The following MARCHF3 variants were observed in gnomAD, a reference collection of about 807,000 sequenced individuals.
The protein encoded by MARCHF3 is E3 ubiquitin-protein ligase MARCHF3.
MARCHF3 carries 13 observed loss-of-function variants against 24.2 expected under a neutral mutation model. The observed-to-expected ratio is 0.54, with a 90% confidence interval of 0.35 to 0.85. MARCHF3 has a LOEUF of 0.85. Among genes scored for constraint, MARCHF3 ranks in the 40% least tolerant of loss-of-function variants. The pLI is 0.01. For missense variants in MARCHF3, 276 were observed against 325.0 expected, an observed-to-expected ratio of 0.85 and a Z score of 1.16; for synonymous variants, 144 against 137.3, an observed-to-expected ratio of 1.05 and a Z score of -0.34.
intron 3 of MARCHF3, among the ~76,000 whole-genome samples, chr5:126,913,976 CTTTTTT>C (rs1169856446): frequency 5.6e-5 from 6 of 107,904 alleles, no homozygotes; most frequent in African/African-American, 1.9e-4. Context: ...CAATATCCAA[CTTTTTT>C]TTTTTTTTTT....
At chr5:127,023,096 T>C (rs571752263) in intron 1 of MARCHF3, among the ~76,000 whole-genome samples, 32 of 152,322 alleles carry the variant, frequency 2.1e-4, no homozygotes, top group African/African-American at 7.2e-4. Context: ...CATCAGACCA[T>C]GTGTTAAACA....
At chr5:126,976,116 C>A (rs1197621033) in intron 1 of MARCHF3, among the ~76,000 whole-genome samples, 2 of 152,086 alleles carry the variant, frequency 1.3e-5, no homozygotes, top group Non-Finnish European at 2.9e-5. Context: ...ATAGAGGGAT[C>A]TTTCTCCTTC....
intron 3 of MARCHF3, among the ~76,000 whole-genome samples, chr5:126,908,551 C>A (rs1754387941): frequency 6.6e-6 from 1 of 152,142 alleles, no homozygotes; most frequent in African/African-American, 2.4e-5. Flanking sequence ...AACTTCCCTT[C>A]TTGCTTCATT....
chr5:126,936,626 T>A (rs1255159841), intron 1 of MARCHF3, among the ~76,000 whole-genome samples: 2 of 152,200 alleles, frequency 1.3e-5, no homozygotes, highest in Non-Finnish European at 2.9e-5. Flanking sequence ...CTTTTTGTAT[T>A]TTTGAAATTT....
intron 1 of MARCHF3, among the ~76,000 whole-genome samples, chr5:126,944,903 G>T (rs116142266): frequency 0.017 from 2,515 of 152,210 alleles, 66 homozygotes; most frequent in African/African-American, 0.057. Flanking sequence ...ATTACATATA[G>T]CCCTTATCCT....
intron 1 of MARCHF3, among the ~76,000 whole-genome samples, chr5:126,921,792 A>G (rs577749520): frequency 7.2e-5 from 11 of 152,328 alleles, no homozygotes; most frequent in African/African-American, 2.4e-4. Context: ...GACACCTTGC[A>G]TAATTTCTTT....
chr5:126,991,486 A>G (rs956501436), intron 1 of MARCHF3, among the ~76,000 whole-genome samples: 12 of 152,184 alleles, frequency 7.9e-5, no homozygotes, highest in African/African-American at 2.9e-4. Flanking sequence ...AACATGGCAC[A>G]TGTATACCTA....
At chr5:126,889,250 T>C (rs893510449) in intron 3 of MARCHF3, among the ~76,000 whole-genome samples, 3 of 152,148 alleles carry the variant, frequency 2.0e-5, no homozygotes. Flanking sequence ...GATCATGGGA[T>C]ACACTGTACC....
chr5:126,917,648 T>C (rs1473036238), intron 2 of MARCHF3, among the ~76,000 whole-genome samples: 2 of 152,188 alleles, frequency 1.3e-5, no homozygotes, highest in African/African-American at 4.8e-5. Flanking sequence ...TTCTTAATCC[T>C]GTTCCAATAG....
intron 1 of MARCHF3, among the ~76,000 whole-genome samples, chr5:127,025,358 A>G (rs1580503964): frequency 6.6e-6 from 1 of 151,796 alleles, no homozygotes; most frequent in Admixed American, 6.6e-5. Flanking sequence ...GCCTGCTGCT[A>G]TAATAAATTA....
chr5:127,012,878 G>C (rs1208822505), intron 1 of MARCHF3, among the ~76,000 whole-genome samples: 1 of 152,182 alleles, frequency 6.6e-6, no homozygotes, highest in Non-Finnish European at 1.5e-5. Context: ...TTTCTTGTTA[G>C]ACTTAATCCA....
At position 126,903,620 on chromosome 5, in the gene MARCHF3, C is replaced by T. The variant is rs1218534399; in HGVS notation, c.393+11310G>A. ...AATAACAGTCCAGCAATGTCTCCAC[C>T]TAAGTCTCGTGTGTGTATATATATA... On this transcript the variant is annotated intron_variant, in intron 3 of 4. Transcript: ENST00000308660. 8.6e-5 allele frequency among the ~76,000 whole-genome samples: 13 copies of T among 151,494 alleles called. No homozygotes were observed. The East Asian group carries it at 1.2e-3, about 14-fold the overall frequency.
chr5:126,916,584 T>C (rs1403561305), intron 2 of MARCHF3, among the ~76,000 whole-genome samples: 1 of 152,074 alleles, frequency 6.6e-6, no homozygotes, highest in Non-Finnish European at 1.5e-5. Flanking sequence ...TTTTAACTCA[T>C]GATTCTGGGC....
chr5:126,960,169 T>C (rs148518272), intron 1 of MARCHF3, among the ~76,000 whole-genome samples: 8 of 152,220 alleles, frequency 5.3e-5, no homozygotes, highest in Non-Finnish European at 7.4e-5. Flanking sequence ...TTCCAGGAGG[T>C]CCTAAGAGTT....
At position 126,868,029 on chromosome 5, in the gene MARCHF3, A is replaced by G. The variant is rs766978275; in HGVS notation, c.*2604T>C. The G allele has an allele frequency of 6.6e-6, 1 of 152,220 alleles. No homozygotes were observed. The highest frequency in any genetic ancestry group is 1.5e-5 in the Non-Finnish European group (1 of 68,040). The allele number at this position is 152,220 out of a possible 1,614,324, so 9.4% of individuals were successfully genotyped here. On this transcript the variant is annotated 3_prime_UTR_variant, in exon 5 of 5. Coordinates refer to ENST00000308660, the MANE Select transcript of MARCHF3 (RefSeq NM_178450.5). ...GTCAGTTAAAGAGAAGCAATGAACC[A>G]CGAGGGTCCTTTAGGTAAAGGACCC...
At chr5:126,975,266 T>C (rs1481885261) in intron 1 of MARCHF3, among the ~76,000 whole-genome samples, 1 of 152,246 alleles carries the variant, frequency 6.6e-6, no homozygotes, top group Admixed American at 6.5e-5. Flanking sequence ...AAGTGGGATA[T>C]AATATTGTAA....
chr5:126,919,369 G>C (rs576504455), intron 1 of MARCHF3, among the ~76,000 whole-genome samples: 38 of 152,300 alleles, frequency 2.5e-4, no homozygotes, highest in African/African-American at 8.2e-4. Context: ...GCTCGACATG[G>C]CCTGGGCTCA....
intron 1 of MARCHF3, among the ~76,000 whole-genome samples, chr5:126,960,875 G>T (rs1299114227): frequency 2.6e-5 from 4 of 152,028 alleles, no homozygotes; most frequent in African/African-American, 9.7e-5. Context: ...ATGAAACTCT[G>T]ATTGTTCATA....
intron 3 of MARCHF3, among the ~76,000 whole-genome samples, chr5:126,885,772 T>C (rs1039814279): frequency 6.6e-6 from 1 of 152,158 alleles, no homozygotes; most frequent in Non-Finnish European, 1.5e-5. Flanking sequence ...AGACTAGAGA[T>C]AGCATTTCTT....
Sources: gnomAD v4.1 joint callset for allele counts (sites outside exome capture counted in the v4.1 genomes callset) on GRCh38, gnomAD v4.1.1 for gene constraint, MANE v1.5 for transcripts, NCBI Gene and HGNC (gene_info 2026-07-23, HGNC 2026-07-21) for gene names.